The following DMD variants were observed in gnomAD, a reference collection of about 807,000 sequenced individuals.
DMD encodes the protein mutant dystrophin.
In DMD, 63 loss-of-function variants were observed where a neutral mutation model predicts 330.1. That is an observed-to-expected ratio of 0.19 (90% CI 0.16 to 0.24). The LOEUF (loss-of-function observed/expected upper bound fraction) is 0.24, where lower values mean the gene tolerates loss of function less well. Ranked by LOEUF, DMD falls within the 10% of genes least tolerant of loss-of-function variation. The probability of loss-of-function intolerance (pLI) is 1.00; values close to 1 mark genes in which losing one functional copy is unlikely to be tolerated. For missense variants in DMD, 3,344 were observed against 2,684.1 expected, an observed-to-expected ratio of 1.25 and a Z score of -5.43; for synonymous variants, 1,223 against 959.8, an observed-to-expected ratio of 1.27 and a Z score of -5.07.
intron 44 of DMD, among the ~76,000 whole-genome samples, chrX:32,048,177 A>G: frequency 1.0e-5 from 1 of 100,404 alleles, no homozygotes; most frequent in Admixed American, 1.2e-4. Flanking sequence ...ACTCCTCACA[A>G]TGAACCTATT....
intron 60 of DMD, among the ~76,000 whole-genome samples, chrX:31,438,325 T>C (rs1275996882): frequency 9.0e-6 from 1 of 111,460 alleles, no homozygotes; most frequent in Non-Finnish European, 1.9e-5. Flanking sequence ...AGAACAGGGG[T>C]TATCAAAGTG....
intron 44 of DMD, among the ~76,000 whole-genome samples, chrX:32,097,296 G>T (rs1257810972): frequency 9.1e-6 from 1 of 110,268 alleles, no homozygotes; most frequent in Non-Finnish European, 1.9e-5. Context: ...TTCCCCTCCC[G>T]GTGTCCATGT....
chrX:32,931,081 A>G (rs754193511), intron 2 of DMD, among the ~76,000 whole-genome samples: 113 of 108,619 alleles, frequency 1.0e-3, no homozygotes, highest in Non-Finnish European at 1.4e-3. Context: ...TTATCTTATT[A>G]CATATTATAT....
At chrX:32,715,360 C>T (rs920295720) in intron 7 of DMD, among the ~76,000 whole-genome samples, 1 of 106,563 alleles carries the variant, frequency 9.4e-6, no homozygotes, top group African/African-American at 3.5e-5. Context: ...GCCTGTAATC[C>T]CAGCTATTCA....
At chrX:33,140,343 G>A (rs2148582420) in intron 1 of DMD, among the ~76,000 whole-genome samples, 1 of 111,894 alleles carries the variant, frequency 8.9e-6, no homozygotes, top group South Asian at 3.7e-4. Context: ...GTTGACAAGG[G>A]AAAAAGGGAT....
At position 31,875,299 on chromosome X, in the gene DMD, C is replaced by T; in HGVS notation, c.6987G>A (p.Lys2329=). 1 of 1,200,896 alleles carries T rather than the reference C, an allele frequency of 8.3e-7. No homozygotes were observed. The highest frequency in any genetic ancestry group is 1.7e-5 in the African/African-American group (1 of 57,234). Residue 2329 remains lysine, a synonymous_variant, in exon 48 of 79, where the codon AAG becomes AAA. Coordinates refer to ENST00000357033, the MANE Select transcript of DMD (RefSeq NM_004006.3). ...TTAACTGCTCTTCAAGGTCTTCAAG[C>T]TTTTTTTCAAGCTGCCCAAGGTCTT... The part of the protein sequence containing the change: ...QIKDLGQLEK[K]LEDLEEQLNH...
chrX:32,089,807 C>T (rs192665395), intron 44 of DMD, among the ~76,000 whole-genome samples: 2 of 111,768 alleles, frequency 1.8e-5, no homozygotes, highest in Admixed American at 9.5e-5. Flanking sequence ...GGTATATGCC[C>T]AATAATGGGA....
chrX:32,628,862 G>T (rs924335244), intron 11 of DMD, among the ~76,000 whole-genome samples: 2 of 111,739 alleles, frequency 1.8e-5, no homozygotes. Context: ...GATATATTCA[G>T]TTGTGATCAG....
intron 55 of DMD, among the ~76,000 whole-genome samples, chrX:31,616,132 C>G (rs2078186069): frequency 9.0e-6 from 1 of 111,334 alleles, no homozygotes; most frequent in South Asian, 3.8e-4. Flanking sequence ...TCAAAGTTCA[C>G]ACTATGAAAC....
chrX:32,730,613 A>G (rs373864164), intron 7 of DMD, among the ~76,000 whole-genome samples: 2 of 112,181 alleles, frequency 1.8e-5, no homozygotes, highest in Non-Finnish European at 3.8e-5. Context: ...AAGAGATAAG[A>G]CTAAAAGAAA....
intron 67 of DMD, among the ~76,000 whole-genome samples, chrX:31,201,409 TTGGAGACTGGC>T (rs2043457470): frequency 8.9e-6 from 1 of 112,137 alleles, no homozygotes. Flanking sequence ...TTCAAAGAGC[TTGGAGACTGGC>T]TGGCCAACCA....
At chrX:32,635,701 T>C (rs2059048252) in intron 11 of DMD, among the ~76,000 whole-genome samples, 1 of 111,789 alleles carries the variant, frequency 8.9e-6, no homozygotes, top group African/African-American at 3.3e-5. Flanking sequence ...GGAAGCATAT[T>C]AGTATTTTTC....
chrX:32,225,260 C>CA (rs886070659), intron 43 of DMD, among the ~76,000 whole-genome samples: 2 of 110,299 alleles, frequency 1.8e-5, no homozygotes, highest in Admixed American at 1.9e-4. Context: ...CCTTGAAGTT[C>CA]AAAAAAAAGG....
chrX:31,844,465 A>G (rs951617485), intron 48 of DMD, among the ~76,000 whole-genome samples: 1 of 111,328 alleles, frequency 9.0e-6, no homozygotes, highest in African/African-American at 3.3e-5. Context: ...GTTGGTTAAT[A>G]TCATGCTTTA....
intron 1 of DMD, among the ~76,000 whole-genome samples, chrX:33,114,610 A>G (rs889839742): frequency 2.7e-5 from 3 of 111,863 alleles, no homozygotes; most frequent in African/African-American, 9.7e-5. Context: ...AGCGTAATGA[A>G]AAACGATAGA....
chrX:31,474,987 G>A (rs903254882), intron 59 of DMD, among the ~76,000 whole-genome samples: 3 of 110,603 alleles, frequency 2.7e-5, no homozygotes, highest in Non-Finnish European at 5.7e-5. Flanking sequence ...TATTTCCACT[G>A]CAAAATTAAA....
intron 7 of DMD, among the ~76,000 whole-genome samples, chrX:32,800,856 A>T (rs547928546): frequency 9.0e-6 from 1 of 111,157 alleles, no homozygotes; most frequent in South Asian, 3.8e-4. Flanking sequence ...AGCTTCATCC[A>T]CATCCCTGCA....
intron 1 of DMD, among the ~76,000 whole-genome samples, chrX:33,260,828 G>A (rs906889527): frequency 3.2e-4 from 36 of 111,309 alleles, no homozygotes; most frequent in African/African-American, 1.1e-3. Context: ...CTGTAGTACA[G>A]AAGCTGCATC....
intron 62 of DMD, among the ~76,000 whole-genome samples, chrX:31,311,114 T>C (rs1047885896): frequency 1.8e-5 from 2 of 111,504 alleles, no homozygotes; most frequent in African/African-American, 6.5e-5. Context: ...ATGTAATACA[T>C]GGGCAGACTC....
Sources: allele counts gnomAD v4.1 joint callset (sites outside exome capture counted in the v4.1 genomes callset), GRCh38; gene constraint gnomAD v4.1.1; transcripts MANE v1.5; gene names NCBI Gene and HGNC (gene_info 2026-07-23, HGNC 2026-07-21).